The following SLC6A19 variants were observed in gnomAD, a reference collection of about 807,000 sequenced individuals.
SLC6A19 encodes solute carrier family 6 member 19, also known as sodium-dependent neutral amino acid transporter B(0)AT1.
Under a neutral mutation model 68.3 loss-of-function variants are expected in SLC6A19, and 67 were observed. The observed-to-expected ratio is 0.98, with a 90% confidence interval of 0.81 to 1.20. The LOEUF (loss-of-function observed/expected upper bound fraction) is 1.20. Ranked by LOEUF, SLC6A19 falls within the 50% of genes most tolerant of loss-of-function variation. The pLI, the probability that SLC6A19 is intolerant of heterozygous loss-of-function variation, is 0.00. For missense variants in SLC6A19, 813 were observed against 851.6 expected (o/e 0.95, Z 0.56); for synonymous variants, 392 against 374.9 (o/e 1.05, Z -0.53).
In SLC6A19 at chr5:1,223,720, T is replaced by C. The variant is rs12653729; in HGVS notation, c.*1816T>C. 0.58 allele frequency: 50,862 copies of C among 88,058 alleles called. 15,779 individuals carry two copies. Among genetic ancestry groups the C allele is most frequent in the African/African-American group, 0.61 (12,825 of 20,876 alleles). The allele number at this position is 88,058 out of a possible 1,614,324, so 5.5% of individuals were successfully genotyped here. A position where few individuals can be genotyped will look rare whatever the true frequency, so the allele number is the denominator to read the frequency against. ...AGAGTTCCTACGGACAGGTCACCTC[T>C]GCTTTCCATAGAAGAATCTGGACGC... On this transcript the variant is annotated 3_prime_UTR_variant, in exon 12 of 12. Transcript: ENST00000304460.
At chr5:1,211,423 G>A (rs1228378344) in intron 3 of SLC6A19, among the ~76,000 whole-genome samples, 1 of 152,262 alleles carries the variant, frequency 6.6e-6, no homozygotes, top group African/African-American at 2.4e-5. Flanking sequence ...CAGCCCGGGA[G>A]CGCAAACACT....
In SLC6A19 at chr5:1,223,958, G is replaced by A. The variant is rs1218758024; in HGVS notation, c.*2054G>A. 2.0e-5 allele frequency: 3 copies of A among 152,296 alleles called. No individual in the cohort carries two copies. The highest frequency in any genetic ancestry group is 4.4e-5 in the Non-Finnish European group (3 of 68,084). The allele number at this position is 152,296 out of a possible 1,614,324, so 9.4% of individuals were successfully genotyped here. On this transcript the variant is annotated 3_prime_UTR_variant, in exon 12 of 12. Transcript: ENST00000304460. ...ATGCGCAAGACTCCACAGCAGCAGA[G>A]GTGGGGGGACATATCACAGCCTCTG...
intron 7 of SLC6A19, 47 bp from the exon 8 acceptor site, chr5:1,216,742 C>T: frequency 1.2e-6 from 2 of 1,613,718 alleles, no homozygotes; most frequent in East Asian, 2.2e-5. Flanking sequence ...GGAAGCCTCC[C>T]AGCCTCCCTG....
chr5:1,206,236 T>C (rs954300371), intron 1 of SLC6A19, among the ~76,000 whole-genome samples: 2 of 151,526 alleles, frequency 1.3e-5, no homozygotes, highest in Admixed American at 6.6e-5. Context: ...CCTCCCTCCC[T>C]CCTTCTCTCT....
At chr5:1,205,304 T>C (rs1745823198) in intron 1 of SLC6A19, among the ~76,000 whole-genome samples, 1 of 152,266 alleles carries the variant, frequency 6.6e-6, no homozygotes, top group South Asian at 2.1e-4. Context: ...ATTCATATTC[T>C]GGTGGCTTTA....
chr5:1,208,606 C>G, intron 1 of SLC6A19, 140 bp from the exon 2 acceptor site: 1 of 1,130,856 alleles, frequency 8.8e-7, no homozygotes, highest in Non-Finnish European at 1.3e-6. Context: ...CATGGACTGG[C>G]TGCTCCATCT....
intron 1 of SLC6A19, among the ~76,000 whole-genome samples, chr5:1,203,772 C>T (rs1159387561): frequency 1.3e-5 from 2 of 152,242 alleles, no homozygotes; most frequent in South Asian, 2.1e-4. Context: ...CTGAAGCCCA[C>T]ACTGCAGCCA....
In SLC6A19 at chr5:1,212,263, G is replaced by A. The variant is rs1746059899; in HGVS notation, c.482-40G>A. ...GGGCCTTCCATTCTCCTCCCTTGGG[G>A]GACCCGTACCCTGAGGTGTGTGAAT... is the stretch of plus-strand genomic sequence containing the variant. On this transcript the variant is annotated intron_variant, in intron 3 of 11. Transcript: ENST00000304460. The surrounding 1 kb of genome is among the most constrained non-coding windows in gnomAD (Gnocchi z 5.1). 6.2e-7 allele frequency: 1 copy of A among 1,610,628 alleles called. No homozygotes were observed. Among genetic ancestry groups the A allele is most frequent in the Admixed American group, 1.7e-5 (1 of 59,972 alleles).
Position 1,215,283 on chromosome 5 carries a change from T to C in SLC6A19, c.887+1218T>C, listed in dbSNP as rs1026052402. Among the ~76,000 whole-genome samples the C allele has an allele frequency of 1.3e-5, 2 of 152,186 alleles. No homozygotes were observed. The highest frequency in any genetic ancestry group is 2.9e-5 in the Non-Finnish European group (2 of 68,030). Reference sequence around the variant, plus strand: ...ATTTGAATACCACACAACTCCCCCATTTGGAATGCCCAGTTCAATGGTCTT... The same window carrying C: ...ATTTGAATACCACACAACTCCCCCACTTGGAATGCCCAGTTCAATGGTCTT... On this transcript the variant is annotated intron_variant, in intron 6 of 11. Coordinates refer to ENST00000304460, the MANE Select transcript of SLC6A19 (RefSeq NM_001003841.3). This position sits in a 1 kb window ranked among gnomAD's most constrained non-coding sequence, Gnocchi z 5.1.
At chr5:1,219,353 C>A in intron 9 of SLC6A19, 152 bp from the exon 10 acceptor site, 1 of 1,225,460 alleles carries the variant, frequency 8.2e-7, no homozygotes, top group Non-Finnish European at 1.1e-6. Flanking sequence ...GGCATGTGAG[C>A]AGCTCTGTCC....
Position 1,221,829 on chromosome 5 carries a change from C to A in SLC6A19, c.1830C>A (p.Cys610Ter), listed in dbSNP as rs1561170445. 6.2e-7 allele frequency: 1 copy of A among 1,614,218 alleles called. No individual in the cohort carries two copies. The highest frequency in any genetic ancestry group is 8.5e-7 in the Non-Finnish European group (1 of 1,180,044). ...YAIYKLIRNHCQKPGDHQGLV... is the reference protein window; with the variant it reads ...YAIYKLIRNH ...TCTACAAGCTCATCAGGAACCACTGCCAGAAGCCAGGGGACCATCAGGGGC... is the reference window on the plus strand; with the variant it reads ...TCTACAAGCTCATCAGGAACCACTGACAGAAGCCAGGGGACCATCAGGGGC... The change falls in exon 12 of 12, where the codon TGC becomes TGA. Residue 610 changes from cysteine (C) to a stop codon, truncating the protein, a stop_gained. Transcript: ENST00000304460. LOFTEE classifies it high-confidence loss of function.
Position 1,202,064 on chromosome 5 carries a change from G to A in SLC6A19, c.202+212G>A, listed in dbSNP as rs114568720. On this transcript the variant is annotated intron_variant, in intron 1 of 11. Coordinates refer to ENST00000304460, the MANE Select transcript of SLC6A19 (RefSeq NM_001003841.3). ...GTGAGGAGATGGGCCTGGCCGGCAC[G>A]ACCCCAAGACTTCGTGTGGGGCTCC... Among the ~76,000 whole-genome samples, 574 of 152,314 alleles carry A rather than the reference G, an allele frequency of 3.8e-3. 5 individuals carry two copies. The highest frequency in any genetic ancestry group is 0.013 in the African/African-American group (542 of 41,576).
chr5:1,222,094 G>A lies in SLC6A19; in HGVS notation c.*190G>A, dbSNP rs939025500. 2.0e-4 allele frequency: 132 copies of A among 659,474 alleles called. No homozygotes were observed. The highest frequency in any genetic ancestry group is 3.2e-4 in the Non-Finnish European group (123 of 383,236). 40.9% of individuals were successfully genotyped at this position (659,474 alleles called of 1,614,324 possible). On this transcript the variant is annotated 3_prime_UTR_variant, in exon 12 of 12. Coordinates refer to ENST00000304460, the MANE Select transcript of SLC6A19 (RefSeq NM_001003841.3). Reference sequence around the variant, plus strand: ...ATCGTGTGTGCATGTACATGCATGGGCACTGTGTGAGTGTGCACGTGTATG... The same window carrying A: ...ATCGTGTGTGCATGTACATGCATGGACACTGTGTGAGTGTGCACGTGTATG...
intron 2 of SLC6A19, 46 bp downstream of exon 2, chr5:1,208,932 G>T: frequency 6.3e-7 from 1 of 1,581,948 alleles, no homozygotes; most frequent in Non-Finnish European, 8.6e-7. Flanking sequence ...GGTCGCCTCT[G>T]CTGGGAAGCC....
At chr5:1,211,533 G>A (rs886449835) in intron 3 of SLC6A19, among the ~76,000 whole-genome samples, 3 of 152,260 alleles carry the variant, frequency 2.0e-5, no homozygotes, top group African/African-American at 7.2e-5. Flanking sequence ...CACCTGTGTA[G>A]GAATGTGTGC....
Position 1,221,962 on chromosome 5 carries a change from A to C in SLC6A19, c.*58A>C. ...TGTCAGGGAAGGAGGAACCAGCAAG[A>C]CCTGTGGGGTGGGGGCCGGGCTGCA... On this transcript the variant is annotated 3_prime_UTR_variant, in exon 12 of 12. Transcript: ENST00000304460. 1 of 1,588,108 alleles carries C rather than the reference A, an allele frequency of 6.3e-7. No homozygotes were observed. Among genetic ancestry groups the C allele is most frequent in the Non-Finnish European group, 8.6e-7 (1 of 1,162,908 alleles).
At chr5:1,211,633 A>C (rs1746030962) in intron 3 of SLC6A19, among the ~76,000 whole-genome samples, 1 of 151,572 alleles carries the variant, frequency 6.6e-6, no homozygotes. Flanking sequence ...CATGTGTGCT[A>C]TGTGTGTGCT....
intron 1 of SLC6A19, among the ~76,000 whole-genome samples, chr5:1,208,278 G>A (rs1745910867): frequency 6.6e-6 from 1 of 152,182 alleles, no homozygotes; most frequent in East Asian, 1.9e-4. Flanking sequence ...CGTTCATTAA[G>A]CCAAGGAGGG....
At position 1,223,984 on chromosome 5, in the gene SLC6A19, C is replaced by T. The variant is rs986779223; in HGVS notation, c.*2080C>T. On this transcript the variant is annotated 3_prime_UTR_variant, in exon 12 of 12. Transcript: ENST00000304460. The stretch of plus-strand genomic sequence containing the variant: ...GTGGGGGGACATATCACAGCCTCTG[C>T]CCCCGGCTGTGATGCCACCGAGGGG... 2 of 152,298 alleles carry T rather than the reference C, an allele frequency of 1.3e-5. No individual in the cohort carries two copies. The highest frequency in any genetic ancestry group is 2.1e-4 in the South Asian group (1 of 4,838). 9.4% of individuals were successfully genotyped at this position (152,298 alleles called of 1,614,324 possible). A position where few individuals can be genotyped will look rare whatever the true frequency, so the allele number is the denominator to read the frequency against.
Sources: allele counts gnomAD v4.1 joint callset (sites outside exome capture counted in the v4.1 genomes callset), GRCh38; gene constraint gnomAD v4.1.1; non-coding constraint Gnocchi (gnomAD v3.1); transcripts MANE v1.5; gene names NCBI Gene and HGNC (gene_info 2026-07-23, HGNC 2026-07-21).